EVC2: variants seen among roughly 807,000 people sequenced by gnomAD.
The protein encoded by EVC2 is EvC ciliary complex subunit 2, also known as limbin.
EVC2 carries 148 observed loss-of-function variants against 149.3 expected under a neutral mutation model. That is an observed-to-expected ratio of 0.99 (90% confidence interval 0.87 to 1.14). The LOEUF (loss-of-function observed/expected upper bound fraction) is 1.14. Among genes scored for constraint, EVC2 ranks in the 50% most tolerant of loss-of-function variants. The pLI, the probability that EVC2 is intolerant of heterozygous loss-of-function variation, is 0.00. For missense variants in EVC2, 1,854 were observed against 1,627.3 expected (o/e 1.14, Z -2.40); for synonymous variants, 776 against 649.9 (o/e 1.19, Z -2.95).
In EVC2 at chr4:5,696,342, G is replaced by C. The variant is rs1014198743; in HGVS notation, c.283+1251C>G. ...TCAGAGAGGACCCCTCCTCTATTCA[G>C]CAAGAATCCCGCTCAGTCTACAGAG... On this transcript the variant is annotated intron_variant, in intron 2 of 21. Coordinates refer to ENST00000344408, the MANE Select transcript of EVC2 (RefSeq NM_147127.5). This position sits in a 1 kb window ranked among gnomAD's most constrained non-coding sequence, Gnocchi z 4.1. Among the ~76,000 whole-genome samples the C allele has an allele frequency of 2.0e-5, 3 of 152,172 alleles. No homozygotes were observed. The highest frequency in any genetic ancestry group is 7.2e-5 in the African/African-American group (3 of 41,438).
At chr4:5,661,986 G>A (rs571953185) in intron 9 of EVC2, among the ~76,000 whole-genome samples, 1 of 152,294 alleles carries the variant, frequency 6.6e-6, no homozygotes, top group South Asian at 2.1e-4. Flanking sequence ...CACATAGGGA[G>A]GATGATGTTA....
At chr4:5,547,133 C>A (rs1353503385) in intron 21 of EVC2, among the ~76,000 whole-genome samples, 1 of 152,362 alleles carries the variant, frequency 6.6e-6, no homozygotes. Flanking sequence ...CTTCTCCCTG[C>A]TGTTGGTGCC....
chr4:5,621,302 A>G (rs1715673002), intron 14 of EVC2, among the ~76,000 whole-genome samples: 1 of 152,250 alleles, frequency 6.6e-6, no homozygotes, highest in Non-Finnish European at 1.5e-5. Flanking sequence ...AGATGAGCCC[A>G]GGCTCTTACA....
At chr4:5,650,628 TATATATATATAGAG>T (rs1299033128) in intron 9 of EVC2, among the ~76,000 whole-genome samples, 1,594 of 77,150 alleles carry the variant, frequency 0.021, 15 homozygotes, top group Middle Eastern at 0.04. Flanking sequence ...TATATATATA[TATATATATATAGAG>T]AGAGAGAGAG....
chr4:5,708,049 G>C (rs1442170106), intron 1 of EVC2: 13 of 417,458 alleles, frequency 3.1e-5, no homozygotes, highest in African/African-American at 2.1e-5. Flanking sequence ...ATTCGAACCA[G>C]GGTCGCTGGT....
intron 17 of EVC2, among the ~76,000 whole-genome samples, chr4:5,583,003 C>G (rs1286797652): frequency 6.6e-6 from 1 of 152,138 alleles, no homozygotes; most frequent in Admixed American, 6.5e-5. Context: ...GCCTGTGGAA[C>G]CATGAGCCAA....
At chr4:5,673,058 G>C (rs1193725140) in intron 7 of EVC2, among the ~76,000 whole-genome samples, 1 of 152,196 alleles carries the variant, frequency 6.6e-6, no homozygotes, top group African/African-American at 2.4e-5. Flanking sequence ...TGTTCTGTAA[G>C]CAGACAGTGG....
Position 5,622,470 on chromosome 4 carries a change from C to G in EVC2, c.2501+67G>C. ...TCATGCTTGGCCATCCCCACAACCACAGGGCAGGAATCTCCCTGGCATCAA... is the reference window on the plus strand; with the variant it reads ...TCATGCTTGGCCATCCCCACAACCAGAGGGCAGGAATCTCCCTGGCATCAA... On this transcript the variant is annotated intron_variant, in intron 14 of 21. Coordinates refer to ENST00000344408, the MANE Select transcript of EVC2 (RefSeq NM_147127.5). The surrounding 1 kb of genome is among the most constrained non-coding windows in gnomAD (Gnocchi z 5.8). 2 of 1,558,632 alleles carry G rather than the reference C, an allele frequency of 1.3e-6. No homozygotes were observed. Among genetic ancestry groups the G allele is most frequent in the Non-Finnish European group, 1.7e-6 (2 of 1,144,588 alleles).
chr4:5,584,738 G>C lies in EVC2; in HGVS notation c.2942C>G (p.Thr981Ser), dbSNP rs767378795. Reference protein sequence around the residue: ...QFQKASRVTETLSAYTALLSI... With the variant: ...QFQKASRVTESLSAYTALLSI... ...GAGGAGGGCGGTGTAGGCCGACAGAGTCTCGGTCACCCGGGACGCCTTCTG... is the reference window on the plus strand; with the variant it reads ...GAGGAGGGCGGTGTAGGCCGACAGACTCTCGGTCACCCGGGACGCCTTCTG... The change falls in exon 17 of 22, where the codon ACT becomes AGT. Residue 981 changes from threonine (T) to serine (S), a missense_variant. Physicochemically the swap from Thr to Ser is moderately conservative, Grantham distance 58 (BLOSUM62 1). Coordinates refer to ENST00000344408, the MANE Select transcript of EVC2 (RefSeq NM_147127.5). 40 of 1,614,074 alleles carry C rather than the reference G, an allele frequency of 2.5e-5. No individual in the cohort carries two copies. Among genetic ancestry groups the C allele is most frequent in the Non-Finnish European group, 3.0e-5 (35 of 1,180,044 alleles).
chr4:5,709,200 C>T (rs1294207021), upstream of EVC2: 5 of 152,430 alleles, frequency 3.3e-5, no homozygotes, highest in East Asian at 5.8e-4. Flanking sequence ...GAAGTCGCAG[C>T]CCTAAGCAAG....
At chr4:5,594,273 G>C (rs1398100403) in intron 16 of EVC2, among the ~76,000 whole-genome samples, 1 of 152,222 alleles carries the variant, frequency 6.6e-6, no homozygotes, top group African/African-American at 2.4e-5. Context: ...GCTTCCTCAA[G>C]TGGGTGCCTG....
rs914744049 is a variant in EVC2, at chr4:5,657,290, A to G, written c.1145+5817T>C. Among the ~76,000 whole-genome samples, 1 of 152,048 alleles carries G rather than the reference A, an allele frequency of 6.6e-6. No individual in the cohort carries two copies. The highest frequency in any genetic ancestry group is 2.4e-5 in the African/African-American group (1 of 41,396). ...CTTGAACTTCATTGAGAAGCATCTG[A>G]CAGGTTCATCCCATGTTCCCTCCCC... On this transcript the variant is annotated intron_variant, in intron 9 of 21. Transcript: ENST00000344408. The surrounding 1 kb of genome is among the most constrained non-coding windows in gnomAD (Gnocchi z 4.7).
chr4:5,653,828 T>G (rs1718312057), intron 9 of EVC2, among the ~76,000 whole-genome samples: 1 of 152,186 alleles, frequency 6.6e-6, no homozygotes, highest in Non-Finnish European at 1.5e-5. Context: ...AGAGCTGGAC[T>G]CCTTAATGCG....
intron 11 of EVC2, among the ~76,000 whole-genome samples, chr4:5,629,618 T>A (rs1489673670): frequency 2.0e-5 from 3 of 152,254 alleles, no homozygotes; most frequent in African/African-American, 7.2e-5. Flanking sequence ...TAGGACAGCA[T>A]GGACGTTCCC....
At chr4:5,591,688 T>C (rs1449741081) in intron 16 of EVC2, among the ~76,000 whole-genome samples, 1 of 152,238 alleles carries the variant, frequency 6.6e-6, no homozygotes, top group Non-Finnish European at 1.5e-5. Flanking sequence ...TCTTTTTTCT[T>C]CTTTGGAAAG....
At chr4:5,667,122 T>C (rs1052964099) in intron 7 of EVC2, among the ~76,000 whole-genome samples, 1 of 152,074 alleles carries the variant, frequency 6.6e-6, no homozygotes, top group Admixed American at 6.5e-5. Context: ...TAATAATATA[T>C]AAAAAGTCTT....
chr4:5,670,962 G>A lies in EVC2; in HGVS notation c.871-5313C>T, dbSNP rs141588657. On this transcript the variant is annotated intron_variant, in intron 7 of 21. Coordinates refer to ENST00000344408, the MANE Select transcript of EVC2 (RefSeq NM_147127.5). The surrounding 1 kb of genome is among the most constrained non-coding windows in gnomAD (Gnocchi z 5.2). The stretch of plus-strand genomic sequence containing the variant: ...ATATCACCATCACCATCATCTTCAC[G>A]CCCACCACCATCAACACCATCATGA... Among the ~76,000 whole-genome samples the A allele has an allele frequency of 0.011, 1,624 of 151,538 alleles. 33 individuals carry two copies. The highest frequency in any genetic ancestry group is 0.036 in the African/African-American group (1,502 of 41,294).
the EVC2 span, among the ~76,000 whole-genome samples, chr4:5,534,109 A>G: frequency 6.6e-6 from 1 of 150,750 alleles, no homozygotes; most frequent in Non-Finnish European, 1.5e-5. Flanking sequence ...ATTTTTAAAA[A>G]AGATCAGCCT....
In EVC2 at chr4:5,581,756, GC is replaced by G. The variant is rs148972578; in HGVS notation, c.3057+2866del. Among the ~76,000 whole-genome samples, 649 of 152,330 alleles carry G rather than the reference GC, an allele frequency of 4.3e-3. 5 individuals are homozygous for G. Among genetic ancestry groups the G allele is most frequent in the African/African-American group, 0.015 (626 of 41,576 alleles). On this transcript the variant is annotated intron_variant, in intron 17 of 21. Transcript: ENST00000344408. ...AGGGTTTTCAGAGAACTTCACGGCAGCCCTTTAATCACAGTCCCAGAGGCCT... is the reference window on the plus strand; with the variant it reads ...AGGGTTTTCAGAGAACTTCACGGCAGCCTTTAATCACAGTCCCAGAGGCCT...
Sources: gnomAD v4.1 joint callset for allele counts (sites outside exome capture counted in the v4.1 genomes callset) on GRCh38, gnomAD v4.1.1 for gene constraint, Gnocchi (gnomAD v3.1) non-coding constraint, MANE v1.5 for transcripts, NCBI Gene and HGNC (gene_info 2026-07-23, HGNC 2026-07-21) for gene names.